The following GRM4 variants were observed in gnomAD, a reference collection of about 807,000 sequenced individuals.
GRM4 encodes the protein glutamate metabotropic receptor 4, also known as metabotropic glutamate receptor 4.
GRM4 carries 28 observed loss-of-function variants against 81.7 expected under a neutral mutation model. The ratio of observed to expected loss-of-function variants is 0.34; its 90% CI spans 0.25 to 0.47. GRM4 has a LOEUF of 0.47. Ranked by LOEUF, GRM4 falls within the 20% of genes least tolerant of loss-of-function variation. GRM4 has a pLI of 1.00. For missense variants in GRM4, 948 were observed against 1,290.0 expected, an observed-to-expected ratio of 0.73 and a Z score of 4.06; for synonymous variants, 488 against 528.8, an observed-to-expected ratio of 0.92 and a Z score of 1.06.
intron 3 of GRM4, among the ~76,000 whole-genome samples, chr6:34,085,977 G>A (rs574788878): frequency 7.0e-4 from 106 of 152,320 alleles, no homozygotes; most frequent in Non-Finnish European, 1.3e-3. Context: ...GCCCTGAGGC[G>A]AGCTGGTGCC....
In GRM4 at chr6:34,059,122, C is replaced by T. The variant is rs767851954; in HGVS notation, c.879G>A (p.Val293=). The change falls in exon 5 of 11, where the codon GTG becomes GTA. Residue 293 remains valine (V), a synonymous_variant. Coordinates refer to ENST00000538487, the MANE Select transcript of GRM4 (RefSeq NM_000841.4). This position sits in a 1 kb window ranked among gnomAD's most constrained non-coding sequence, Gnocchi z 5.7. ...IFANEDDIRR[V]LEAARRANQT... Reference sequence around the variant, plus strand: ...GGTTGGCCCTTCGTGCTGCCTCCAGCACACGCCTGTAGGAACATACACCAG... The same window carrying T: ...GGTTGGCCCTTCGTGCTGCCTCCAGTACACGCCTGTAGGAACATACACCAG... The T allele has an allele frequency of 1.2e-6, 2 of 1,613,424 alleles. No individual in the cohort carries two copies. The highest frequency in any genetic ancestry group is 1.7e-6 in the Non-Finnish European group (2 of 1,179,918).
chr6:34,140,561 C>G (rs1330116699), intron 1 of GRM4, among the ~76,000 whole-genome samples: 1 of 152,188 alleles, frequency 6.6e-6, no homozygotes, highest in Non-Finnish European at 1.5e-5. Flanking sequence ...TTGGGCCTCC[C>G]TGCTCAGCCT....
At position 34,036,167 on chromosome 6, in the gene GRM4, T is replaced by C; in HGVS notation, c.1943A>G (p.Asp648Gly). ...ATTFLMIAEP[D>G]LGTCSLRRIF... ...TCGGCGCAGCGAGCAGGTGCCAAGG[T>C]CGGGCTCAGCGATCATGAGGAAGGT... The change falls in exon 9 of 11, where the codon GAC becomes GGC. Residue 648 changes from aspartate to glycine, a missense_variant. Coordinates refer to ENST00000538487, the MANE Select transcript of GRM4 (RefSeq NM_000841.4). The surrounding 1 kb of genome is among the most constrained non-coding windows in gnomAD (Gnocchi z 9.0). 1 of 1,614,124 alleles carries C rather than the reference T, an allele frequency of 6.2e-7. No individual in the cohort carries two copies. Among genetic ancestry groups the C allele is most frequent in the Non-Finnish European group, 8.5e-7 (1 of 1,180,008 alleles).
chr6:34,107,694 C>G (rs2127497508), intron 2 of GRM4, among the ~76,000 whole-genome samples: 2 of 152,276 alleles, frequency 1.3e-5, no homozygotes, highest in Middle Eastern at 6.8e-3. Flanking sequence ...TGGCCAAGGG[C>G]CCATGGCAGG....
At chr6:34,151,371 C>T (rs1771041911) in intron 1 of GRM4, among the ~76,000 whole-genome samples, 1 of 152,216 alleles carries the variant, frequency 6.6e-6, no homozygotes, top group Non-Finnish European at 1.5e-5. Context: ...GATTTTCCAG[C>T]CTCTTTGCCT....
At chr6:34,151,920 G>A (rs1028950725) in intron 1 of GRM4, among the ~76,000 whole-genome samples, 12 of 152,074 alleles carry the variant, frequency 7.9e-5, no homozygotes, top group African/African-American at 2.7e-4. Flanking sequence ...TCCCAATGTG[G>A]CAGGCCACTC....
At position 34,072,015 on chromosome 6, in the gene GRM4, GAC is replaced by G. The variant is rs539181204; in HGVS notation, c.737-9989_737-9988del. Among the ~76,000 whole-genome samples, 61 of 103,516 alleles carry G rather than the reference GAC, an allele frequency of 5.9e-4. 1 individual carries two copies. The East Asian group carries it at 0.017, about 29-fold the overall frequency. 67.9% of individuals were successfully genotyped at this position (103,516 alleles called of 152,430 possible). On this transcript the variant is annotated intron_variant, in intron 3 of 10. Coordinates refer to ENST00000538487, the MANE Select transcript of GRM4 (RefSeq NM_000841.4). ...ACCACAAAAATACACACCACACAGA[GAC>G]ACACACACCTATCACCACAGATACA...
chr6:34,125,321 A>G (rs1561827996), intron 2 of GRM4, among the ~76,000 whole-genome samples: 1 of 152,126 alleles, frequency 6.6e-6, no homozygotes, highest in Admixed American at 6.5e-5. Flanking sequence ...GCCTGCCTCC[A>G]TTCCAAACCC....
upstream of GRM4, among the ~76,000 whole-genome samples, chr6:34,146,772 C>T (rs952058121): frequency 2.0e-5 from 3 of 152,204 alleles, no homozygotes; most frequent in African/African-American, 4.8e-5. Flanking sequence ...TTGTGCTTGA[C>T]GATGCCCAGG....
chr6:34,106,058 A>G (rs2451344), intron 2 of GRM4: 9,073 of 151,926 alleles, frequency 0.06, 588 homozygotes, highest in African/African-American at 0.17. Context: ...GTGCACTCCC[A>G]CCTGGCAGCT....
chr6:34,079,932 C>T (rs1235819273), intron 3 of GRM4, among the ~76,000 whole-genome samples: 3 of 152,202 alleles, frequency 2.0e-5, no homozygotes, highest in Non-Finnish European at 1.5e-5. Context: ...GGGATCTCGA[C>T]CCTCCTCTGC....
At chr6:34,058,348 G>A (rs1766010590) in intron 5 of GRM4, among the ~76,000 whole-genome samples, 1 of 152,188 alleles carries the variant, frequency 6.6e-6, no homozygotes, top group African/African-American at 2.4e-5. Context: ...CGTGTCTTGG[G>A]AAGTACCTTG....
At chr6:34,024,608 T>C in intron 10 of GRM4, 1 of 453,278 alleles carries the variant, frequency 2.2e-6, no homozygotes, top group South Asian at 1.6e-5. Flanking sequence ...AGCAGAGGGG[T>C]CCACCATGGG....
chr6:34,056,500 C>T (rs1361558746), intron 6 of GRM4, 44 bp downstream of exon 6: 9 of 1,568,022 alleles, frequency 5.7e-6, no homozygotes, highest in African/African-American at 1.4e-5. Context: ...CCCTCCCCGG[C>T]TCCTCCTAGA....
chr6:34,063,920 G>T (rs997244382), intron 3 of GRM4, among the ~76,000 whole-genome samples: 10 of 152,212 alleles, frequency 6.6e-5, no homozygotes, highest in Admixed American at 1.3e-4. Flanking sequence ...CCAGGAGCGG[G>T]AAGGAAGGCA....
chr6:34,128,597 C>T (rs1348402498), intron 2 of GRM4, among the ~76,000 whole-genome samples: 1 of 152,016 alleles, frequency 6.6e-6, no homozygotes, highest in Non-Finnish European at 1.5e-5. Context: ...AGGCTGGTCT[C>T]GAACTCCTGA....
At chr6:34,132,242 G>A (rs541656850) in intron 2 of GRM4, among the ~76,000 whole-genome samples, 2 of 152,230 alleles carry the variant, frequency 1.3e-5, no homozygotes, top group South Asian at 4.1e-4. Context: ...CAGAAGGAAG[G>A]AAATCACAGA....
At chr6:34,032,186 G>A (rs2127439556) in intron 9 of GRM4, among the ~76,000 whole-genome samples, 1 of 152,010 alleles carries the variant, frequency 6.6e-6, no homozygotes, top group Admixed American at 6.5e-5. Context: ...ATACCCTTCA[G>A]CACACCCATC....
intron 2 of GRM4, among the ~76,000 whole-genome samples, chr6:34,119,204 T>C (rs1769707024): frequency 6.6e-6 from 1 of 152,160 alleles, no homozygotes; most frequent in African/African-American, 2.4e-5. Flanking sequence ...AAGACCAACC[T>C]GGTCAACATG....
Sources: allele counts gnomAD v4.1 joint callset (sites outside exome capture counted in the v4.1 genomes callset), GRCh38; gene constraint gnomAD v4.1.1; non-coding constraint Gnocchi (gnomAD v3.1); transcripts MANE v1.5; gene names NCBI Gene and HGNC (gene_info 2026-07-23, HGNC 2026-07-21).